Variants in CCDC93 observed in about 807,000 individuals in gnomAD.
CCDC93 encodes CCC complex scaffolding subunit CCDC93.
A neutral mutation model predicts 108.2 loss-of-function variants in CCDC93; 61 were observed. The ratio of observed to expected loss-of-function variants is 0.56; its 90% confidence interval spans 0.46 to 0.70. The LOEUF is 0.70. Ranked by LOEUF, CCDC93 falls within the 30% of genes least tolerant of loss-of-function variation. The probability of loss-of-function intolerance (pLI) is 0.00; values close to 1 mark genes in which losing one functional copy is unlikely to be tolerated. For missense variants in CCDC93, 685 were observed against 764.2 expected (o/e 0.90, Z 1.22); for synonymous variants, 276 against 260.4 (o/e 1.06, Z -0.58).
At chr2:117,929,800 T>G (rs572293880) in intron 23 of CCDC93, among the ~76,000 whole-genome samples, 4 of 152,186 alleles carry the variant, frequency 2.6e-5, no homozygotes, top group African/African-American at 9.7e-5. Context: ...CCGCTCCCCA[T>G]TCCTGCACTG....
At chr2:118,011,675 C>G (rs2113484) in intron 1 of CCDC93, among the ~76,000 whole-genome samples, 26 of 151,624 alleles carry the variant, frequency 1.7e-4, no homozygotes, top group Admixed American at 7.2e-4. Context: ...ACAAAAAAAA[C>G]CAAAAAAAAA....
intron 21 of CCDC93, among the ~76,000 whole-genome samples, chr2:117,936,221 G>A (rs1407531453): frequency 2.6e-5 from 4 of 152,100 alleles, no homozygotes; most frequent in African/African-American, 9.7e-5. Context: ...GGGGCTGCTG[G>A]ATGGTGGGTG....
chr2:118,001,327 A>T (rs1447440051), intron 3 of CCDC93, among the ~76,000 whole-genome samples: 1 of 152,192 alleles, frequency 6.6e-6, no homozygotes, highest in Admixed American at 6.5e-5. Context: ...ACAGTTTGAA[A>T]AAAGTATTCT....
chr2:117,931,913 A>G (rs749089433), intron 22 of CCDC93, among the ~76,000 whole-genome samples: 3 of 152,232 alleles, frequency 2.0e-5, no homozygotes, highest in Admixed American at 2.0e-4. Context: ...AGCTACGTGT[A>G]GTGGTGAACA....
Position 117,944,147 on chromosome 2 carries a change from T to A in CCDC93, c.1351-61A>T, listed in dbSNP as rs1558775435. 1.2e-5 allele frequency: 14 copies of A among 1,196,440 alleles called. No homozygotes were observed. The South Asian group carries it at 1.8e-4, about 16-fold the overall frequency. The allele number at this position is 1,196,440 out of a possible 1,614,324, so 74.1% of individuals were successfully genotyped here. On this transcript the variant is annotated intron_variant, in intron 17 of 23. Coordinates refer to ENST00000376300, the MANE Select transcript of CCDC93 (RefSeq NM_019044.5). ...AGAAAACTTTCACTCTTTAATGGAG[T>A]CTTTGAAAGTTGAATATGTTTTTAT...
Position 117,977,949 on chromosome 2 carries a change from T to C in CCDC93, c.657+45A>G, listed in dbSNP as rs781370935. The C allele has an allele frequency of 3.2e-6, 5 of 1,567,918 alleles. No individual in the cohort carries two copies. In the South Asian group the frequency reaches 5.6e-5, roughly 17 times the overall value. On this transcript the variant is annotated intron_variant, in intron 8 of 23. Transcript: ENST00000376300. ...GTTAGTCAGAGGTGAAGGGAGTCAC[T>C]TCCATCTCTCAAGTATTCTCTCTTA...
At chr2:117,933,471 C>T (rs748774738) in intron 22 of CCDC93, among the ~76,000 whole-genome samples, 2 of 152,140 alleles carry the variant, frequency 1.3e-5, no homozygotes, top group Admixed American at 1.3e-4. Context: ...TTCCAGAGAT[C>T]CAGAGACCTT....
chr2:117,947,897 T>A, intron 15 of CCDC93: 1 of 478,140 alleles, frequency 2.1e-6, no homozygotes, highest in Non-Finnish European at 3.8e-6. Flanking sequence ...GGTTTCACAG[T>A]GTTAGCCAGG....
intron 23 of CCDC93, among the ~76,000 whole-genome samples, chr2:117,923,956 A>G (rs1677983935): frequency 6.6e-6 from 1 of 152,208 alleles, no homozygotes; most frequent in South Asian, 2.1e-4. Context: ...TCAGGCAACA[A>G]CATTTGCTGT....
At chr2:117,942,373 G>A (rs942674036) in intron 18 of CCDC93, among the ~76,000 whole-genome samples, 15 of 152,040 alleles carry the variant, frequency 9.9e-5, no homozygotes, top group African/African-American at 3.4e-4. Flanking sequence ...CCTTTTACAG[G>A]GAAGAGAAAT....
intron 1 of CCDC93, among the ~76,000 whole-genome samples, chr2:118,011,801 A>C (rs1249244244): frequency 6.6e-6 from 1 of 152,212 alleles, no homozygotes; most frequent in Non-Finnish European, 1.5e-5. Context: ...TTACTTTTGC[A>C]ATATAACTTG....
At chr2:118,008,003 C>T (rs114558741) in intron 2 of CCDC93, among the ~76,000 whole-genome samples, 188 of 152,302 alleles carry the variant, frequency 1.2e-3, no homozygotes, top group African/African-American at 4.5e-3. Context: ...TGTCTCTCAT[C>T]CCCACTCTAC....
At chr2:117,973,216 G>A (rs1451986472) in intron 11 of CCDC93, among the ~76,000 whole-genome samples, 4 of 152,036 alleles carry the variant, frequency 2.6e-5, no homozygotes, top group African/African-American at 7.2e-5. Context: ...TCTGAGAAAA[G>A]GAAAGCAAAG....
At chr2:117,995,304 C>A in intron 6 of CCDC93, 142 bp downstream of exon 6, 2 of 711,364 alleles carry the variant, frequency 2.8e-6, no homozygotes, top group Non-Finnish European at 2.5e-6. Context: ...GCAGGCGGGG[C>A]TTCCCTCACA....
intron 13 of CCDC93, 147 bp from the exon 14 acceptor site, chr2:117,949,542 T>C (rs1678983927): frequency 9.1e-6 from 6 of 662,902 alleles, no homozygotes; most frequent in Middle Eastern, 8.6e-4. Flanking sequence ...AATTACATCA[T>C]ACAACAGAAT....
At chr2:117,958,778 T>TA (rs922313979) in intron 11 of CCDC93, among the ~76,000 whole-genome samples, 251 of 152,296 alleles carry the variant, frequency 1.6e-3, no homozygotes, top group African/African-American at 5.5e-3. Context: ...CAAAAAGTCT[T>TA]AAATAGGGGA....
At chr2:117,926,031 C>T (rs913494014) in intron 23 of CCDC93, among the ~76,000 whole-genome samples, 10 of 152,036 alleles carry the variant, frequency 6.6e-5, no homozygotes, top group African/African-American at 1.9e-4. Context: ...GGGTACATAA[C>T]GACATGAAGG....
intron 11 of CCDC93, among the ~76,000 whole-genome samples, chr2:117,972,648 T>C (rs760267402): frequency 3.9e-5 from 6 of 151,934 alleles, no homozygotes; most frequent in Non-Finnish European, 8.8e-5. Context: ...AGCAATGCTA[T>C]GTGGCAACAT....
At chr2:117,967,360 C>T (rs1288792585) in intron 11 of CCDC93, among the ~76,000 whole-genome samples, 1 of 152,204 alleles carries the variant, frequency 6.6e-6, no homozygotes, top group Non-Finnish European at 1.5e-5. Context: ...CATGAAGAGT[C>T]ACTTAGATAC....
Sources: gnomAD v4.1 joint callset for allele counts (sites outside exome capture counted in the v4.1 genomes callset) on GRCh38, gnomAD v4.1.1 for gene constraint, MANE v1.5 for transcripts, NCBI Gene and HGNC (gene_info 2026-07-23, HGNC 2026-07-21) for gene names.